PCDH15: variants seen among roughly 807,000 people sequenced by gnomAD.
PCDH15 encodes protocadherin related 15.
In PCDH15, 129 loss-of-function variants were observed where a neutral mutation model predicts 178.5. That is an observed-to-expected ratio of 0.72 (90% CI 0.63 to 0.84). The LOEUF is 0.84. Ranked by LOEUF, PCDH15 falls within the 40% of genes least tolerant of loss-of-function variation. PCDH15 has a pLI of 0.00. For missense variants in PCDH15, 2,230 were observed against 2,099.9 expected (o/e 1.06, Z -1.21); for synonymous variants, 800 against 732.0 (o/e 1.09, Z -1.50).
chr10:54,131,485 TC>T (rs1427303574), intron 15 of PCDH15, among the ~76,000 whole-genome samples: 9 of 152,178 alleles, frequency 5.9e-5, no homozygotes, highest in Non-Finnish European at 1.2e-4. Context: ...GACTTTTTTT[TC>T]CTCCTAAAGA....
At chr10:53,847,761 A>G (rs949947228) in intron 28 of PCDH15, among the ~76,000 whole-genome samples, 6 of 152,070 alleles carry the variant, frequency 3.9e-5, no homozygotes, top group African/African-American at 1.4e-4. Flanking sequence ...GCATCTCTGT[A>G]ATTACTTACT....
chr10:54,758,947 T>G (rs1396243418), intron 1 of PCDH15, among the ~76,000 whole-genome samples: 1 of 152,162 alleles, frequency 6.6e-6, no homozygotes, highest in Non-Finnish European at 1.5e-5. Context: ...TAGGTCTGGC[T>G]TCTTCTGTCC....
intron 2 of PCDH15, among the ~76,000 whole-genome samples, chr10:54,621,372 T>A (rs1382085965): frequency 1.3e-5 from 2 of 152,000 alleles, no homozygotes; most frequent in African/African-American, 4.8e-5. Flanking sequence ...CTCAAGATTA[T>A]TTTTTAAGAA....
At chr10:54,101,812 A>G (rs1344731608) in intron 15 of PCDH15, among the ~76,000 whole-genome samples, 1 of 151,988 alleles carries the variant, frequency 6.6e-6, no homozygotes, top group African/African-American at 2.4e-5. Flanking sequence ...CCAAGAAAAA[A>G]AAAGATAAGA....
At chr10:55,370,117 A>T (rs1455854779) in intron 2 of PCDH15, among the ~76,000 whole-genome samples, 1 of 152,130 alleles carries the variant, frequency 6.6e-6, no homozygotes, top group Non-Finnish European at 1.5e-5. Context: ...AAAAATCTAG[A>T]CTATTCCTTA....
intron 8 of PCDH15, among the ~76,000 whole-genome samples, chr10:54,309,121 TA>T (rs1327577290): frequency 6.6e-6 from 1 of 152,022 alleles, no homozygotes; most frequent in East Asian, 1.9e-4. Context: ...AGTGAGGATA[TA>T]CTTTAATATT....
chr10:54,405,169 T>C (rs570224955), intron 3 of PCDH15, among the ~76,000 whole-genome samples: 1 of 152,158 alleles, frequency 6.6e-6, no homozygotes, highest in South Asian at 2.1e-4. Context: ...CCTGAGGGAA[T>C]AAAAATTGCT....
At chr10:55,574,601 T>A (rs957546639) in intron 2 of PCDH15, among the ~76,000 whole-genome samples, 10 of 152,048 alleles carry the variant, frequency 6.6e-5, no homozygotes, top group Non-Finnish European at 5.9e-5. Context: ...ATATATAAAA[T>A]TTTTAAACTT....
intron 1 of PCDH15, among the ~76,000 whole-genome samples, chr10:55,218,424 A>G (rs933567069): frequency 7.9e-5 from 12 of 152,020 alleles, no homozygotes; most frequent in Non-Finnish European, 1.3e-4. Flanking sequence ...AGAGGAGAGG[A>G]GAGAAGCTAG....
chr10:54,438,963 T>C (rs11598050), intron 3 of PCDH15, among the ~76,000 whole-genome samples: 72,381 of 151,656 alleles, frequency 0.48, 18,044 homozygotes, highest in Middle Eastern at 0.52. Context: ...ATGAAGGTTG[T>C]AGAGTCACAG....
intron 3 of PCDH15, among the ~76,000 whole-genome samples, chr10:54,875,386 C>T (rs115688306): frequency 0.045 from 6,860 of 152,100 alleles, 213 homozygotes; most frequent in South Asian, 0.1. Context: ...GAGACTGGGC[C>T]AGTTAATTAC....
chr10:54,483,057 A>G (rs185570144), intron 3 of PCDH15, among the ~76,000 whole-genome samples: 1 of 152,018 alleles, frequency 6.6e-6, no homozygotes, highest in Non-Finnish European at 1.5e-5. Flanking sequence ...GTCAAACAGT[A>G]TAGAAACAAT....
At chr10:54,869,477 T>C (rs930638071) in intron 3 of PCDH15, among the ~76,000 whole-genome samples, 2 of 152,166 alleles carry the variant, frequency 1.3e-5, no homozygotes, top group Admixed American at 6.6e-5. Context: ...CATTATATAT[T>C]AAAGAGTACA....
intron 2 of PCDH15, among the ~76,000 whole-genome samples, chr10:55,595,148 C>A (rs1181847561): frequency 6.6e-6 from 1 of 151,868 alleles, no homozygotes; most frequent in African/African-American, 2.4e-5. Context: ...TTTATTCTAA[C>A]CATCAATCAT....
intron 1 of PCDH15, among the ~76,000 whole-genome samples, chr10:54,716,101 C>T (rs2095476774): frequency 6.6e-6 from 1 of 152,136 alleles, no homozygotes; most frequent in African/African-American, 2.4e-5. Flanking sequence ...CCACTGGGAC[C>T]CTTTTCAAAG....
At position 54,605,243 on chromosome 10, in the gene PCDH15, C is replaced by T. The variant is rs531514478; in HGVS notation, c.91+58929G>A. On this transcript the variant is annotated intron_variant, in intron 2 of 37. Transcript: ENST00000644397. ...TTTACCATTACCGATGAGTTTTATA[C>T]TTTTGTATGCTCTTATATTGTTATT... Among the ~76,000 whole-genome samples the T allele has an allele frequency of 5.3e-5, 8 of 151,916 alleles. 1 individual carries two copies. The highest frequency in any genetic ancestry group is 1.9e-4 in the African/African-American group (8 of 41,468).
At chr10:54,057,927 T>C (rs2093931349) in intron 18 of PCDH15, among the ~76,000 whole-genome samples, 1 of 152,194 alleles carries the variant, frequency 6.6e-6, no homozygotes, top group East Asian at 1.9e-4. Flanking sequence ...GTCTCTTGCA[T>C]AGCAAGAGTG....
At chr10:54,766,883 T>C (rs1030035443) in intron 1 of PCDH15, among the ~76,000 whole-genome samples, 14 of 151,752 alleles carry the variant, frequency 9.2e-5, no homozygotes, top group African/African-American at 2.9e-4. Flanking sequence ...TGAGCCGAGA[T>C]AGCACCACTG....
At chr10:53,983,211 G>A (rs2090813512) in intron 21 of PCDH15, among the ~76,000 whole-genome samples, 1 of 151,716 alleles carries the variant, frequency 6.6e-6, no homozygotes, top group African/African-American at 2.4e-5. Flanking sequence ...TTACTATAAA[G>A]TGGTTTGGGT....
Sources: allele counts gnomAD v4.1 joint callset (sites outside exome capture counted in the v4.1 genomes callset), GRCh38; gene constraint gnomAD v4.1.1; transcripts MANE v1.5; gene names NCBI Gene and HGNC (gene_info 2026-07-23, HGNC 2026-07-21).